TUSC3: variants seen among roughly 807,000 people sequenced by gnomAD.
The protein encoded by TUSC3 is dolichyl-diphosphooligosaccharide--protein glycosyltransferase subunit TUSC3.
TUSC3 carries 45 observed loss-of-function variants against 44.8 expected under a neutral mutation model. That is an observed-to-expected ratio of 1.00 (90% CI 0.79 to 1.29). The LOEUF (loss-of-function observed/expected upper bound fraction) is 1.29. Ranked by LOEUF, TUSC3 falls within the 50% of genes most tolerant of loss-of-function variation. The probability of loss-of-function intolerance (pLI) is 0.00; values close to 1 mark genes in which losing one functional copy is unlikely to be tolerated. For missense variants in TUSC3, 519 were observed against 437.9 expected, an observed-to-expected ratio of 1.19 and a Z score of -1.65; for synonymous variants, 212 against 152.9, an observed-to-expected ratio of 1.39 and a Z score of -2.85.
In TUSC3 at chr8:15,720,197, T is replaced by C. The variant is rs551479915; in HGVS notation, c.799-10469T>C. On this transcript the variant is annotated intron_variant, in intron 6 of 10. Transcript: ENST00000503731. ...ATCATTGTTAAATATAGTGTATATA[T>C]ATATACACACACACACACACACACA... 1.8e-3 allele frequency among the ~76,000 whole-genome samples: 187 copies of C among 105,390 alleles called. 1 individual carries two copies. Among genetic ancestry groups the C allele is most frequent in the Middle Eastern group, 0.011 (2 of 188 alleles). 69.1% of individuals were successfully genotyped at this position (105,390 alleles called of 152,430 possible).
chr8:15,633,093 GA>G (rs549534722), intron 2 of TUSC3, among the ~76,000 whole-genome samples: 446 of 152,126 alleles, frequency 2.9e-3, no homozygotes, highest in Non-Finnish European at 4.9e-3. Flanking sequence ...GTTCTGTGGG[GA>G]TGTGTGTGTG....
intron 7 of TUSC3, among the ~76,000 whole-genome samples, chr8:15,735,971 G>A (rs951801495): frequency 4.6e-5 from 7 of 151,122 alleles, no homozygotes; most frequent in Admixed American, 6.6e-5. Context: ...CTCGTGATCC[G>A]CCCACCTTGG....
intron 7 of TUSC3, among the ~76,000 whole-genome samples, chr8:15,742,585 C>A (rs942972182): frequency 2.6e-5 from 4 of 152,128 alleles, no homozygotes; most frequent in African/African-American, 7.2e-5. Context: ...GTCCTTTGAG[C>A]TTTTGTTGAT....
At chr8:15,811,406 C>G in the TUSC3 span, among the ~76,000 whole-genome samples, 5 of 152,148 alleles carry the variant, frequency 3.3e-5, no homozygotes, top group African/African-American at 1.2e-4. Flanking sequence ...GAGAAAGACC[C>G]AGACAGTTTC....
chr8:15,632,783 A>T (rs1215173756), intron 2 of TUSC3, among the ~76,000 whole-genome samples: 1 of 152,090 alleles, frequency 6.6e-6, no homozygotes, highest in African/African-American at 2.4e-5. Flanking sequence ...GATTCTTTTC[A>T]TTCCCTAATC....
the TUSC3 span, among the ~76,000 whole-genome samples, chr8:15,788,874 T>G: frequency 7.2e-3 from 1,097 of 152,254 alleles, 12 homozygotes; most frequent in African/African-American, 0.025. Flanking sequence ...AAGAAGTTAT[T>G]GCTGGTGTTT....
intron 1 of TUSC3, among the ~76,000 whole-genome samples, chr8:15,439,556 C>A (rs1259530531): frequency 3.3e-5 from 5 of 152,014 alleles, no homozygotes; most frequent in African/African-American, 1.2e-4. Flanking sequence ...GACCCTGTCT[C>A]AAAATGAAAA....
chr8:15,460,328 G>A (rs1464908127), intron 1 of TUSC3, among the ~76,000 whole-genome samples: 1 of 151,878 alleles, frequency 6.6e-6, no homozygotes, highest in African/African-American at 2.4e-5. Context: ...TTGGCCATTT[G>A]TAAATCTTCT....
chr8:15,762,271 C>G (rs1456398203), intron 10 of TUSC3, among the ~76,000 whole-genome samples: 1 of 151,846 alleles, frequency 6.6e-6, no homozygotes, highest in Non-Finnish European at 1.5e-5. Context: ...AGGAAGTACT[C>G]TAATTGTCCT....
chr8:15,775,093 A>G, the TUSC3 span, among the ~76,000 whole-genome samples: 1 of 152,200 alleles, frequency 6.6e-6, no homozygotes, highest in Non-Finnish European at 1.5e-5. Flanking sequence ...GTGGATAAAC[A>G]AAATTGATAT....
intron 5 of TUSC3, among the ~76,000 whole-genome samples, chr8:15,669,889 G>A (rs1436240395): frequency 6.6e-6 from 1 of 151,552 alleles, no homozygotes; most frequent in African/African-American, 2.4e-5. Context: ...CTCCTTAGCA[G>A]ATGATTTGAT....
upstream of TUSC3, among the ~76,000 whole-genome samples, chr8:15,535,463 T>G (rs184745909): frequency 1.7e-4 from 26 of 152,260 alleles, no homozygotes; most frequent in Admixed American, 1.4e-3. Context: ...TAGTGTGGAC[T>G]AAAAGGTGCA....
intron 6 of TUSC3, among the ~76,000 whole-genome samples, chr8:15,724,699 G>T (rs956491817): frequency 6.6e-6 from 1 of 152,118 alleles, no homozygotes; most frequent in East Asian, 1.9e-4. Flanking sequence ...TGTTCTGGCA[G>T]GTAGTGAATA....
intron 1 of TUSC3, among the ~76,000 whole-genome samples, chr8:15,618,329 A>T (rs904168307): frequency 2.0e-5 from 3 of 152,208 alleles, no homozygotes; most frequent in Non-Finnish European, 4.4e-5. Flanking sequence ...CTCTTGTAAT[A>T]ACAGTTAGCT....
rs148703514 is a variant in TUSC3 at position 15,495,179 on chromosome 8, G to A, written n.189+11696G>A. On this transcript the variant is annotated intron_variant and non_coding_transcript_variant, in intron 2 of 5. Transcript: ENST00000503191. ...CTGATGAGCATTTAGGTTGATTTAC[G>A]TATCTTCCACCCTTTAGATAATAAA... Among the ~76,000 whole-genome samples the A allele has an allele frequency of 2.7e-3, 404 of 152,184 alleles. 4 individuals carry two copies. Among genetic ancestry groups the A allele is most frequent in the African/African-American group, 8.4e-3 (350 of 41,534 alleles).
At chr8:15,462,910 T>C (rs986490484) in intron 1 of TUSC3, among the ~76,000 whole-genome samples, 21 of 151,964 alleles carry the variant, frequency 1.4e-4, no homozygotes, top group Non-Finnish European at 2.9e-4. Context: ...GTAGAACAAG[T>C]TCAAAACCAA....
upstream of TUSC3, among the ~76,000 whole-genome samples, chr8:15,540,040 A>G (rs1229317769): frequency 6.6e-6 from 1 of 152,172 alleles, no homozygotes; most frequent in Non-Finnish European, 1.5e-5. Flanking sequence ...GGCCCCAGGT[A>G]AAGTGCTGGA....
intron 1 of TUSC3, among the ~76,000 whole-genome samples, chr8:15,583,836 A>G (rs985054618): frequency 2.2e-4 from 33 of 152,360 alleles, no homozygotes; most frequent in Middle Eastern, 3.4e-3. Flanking sequence ...AAAACCAGAA[A>G]AAAACCACAA....
At chr8:15,525,548 T>C (rs1239257185) in intron 2 of TUSC3, among the ~76,000 whole-genome samples, 1 of 152,216 alleles carries the variant, frequency 6.6e-6, no homozygotes, top group African/African-American at 2.4e-5. Flanking sequence ...CAAAAGCTCT[T>C]TGGCTCCTCA....
Sources: gnomAD v4.1 joint callset for allele counts (sites outside exome capture counted in the v4.1 genomes callset) on GRCh38, gnomAD v4.1.1 for gene constraint, MANE v1.5 for transcripts, NCBI Gene and HGNC (gene_info 2026-07-23, HGNC 2026-07-21) for gene names.